The following LRRTM3 variants were observed in gnomAD, a reference collection of about 807,000 sequenced individuals.
The protein encoded by LRRTM3 is leucine-rich repeat transmembrane neuronal protein 3.
LRRTM3 carries 24 observed loss-of-function variants against 44.7 expected under a neutral mutation model. The ratio of observed to expected loss-of-function variants is 0.54; its 90% confidence interval spans 0.39 to 0.76. The LOEUF (loss-of-function observed/expected upper bound fraction) is 0.76, where lower values mean the gene tolerates loss of function less well. Ranked by LOEUF, LRRTM3 falls within the 30% of genes least tolerant of loss-of-function variation. The pLI, the probability that LRRTM3 is intolerant of heterozygous loss-of-function variation, is 0.00. For missense variants in LRRTM3, 587 were observed against 702.2 expected (o/e 0.84, Z 1.85); for synonymous variants, 277 against 278.7 (o/e 0.99, Z 0.06).
chr10:67,007,186 T>C (rs1478974627), intron 2 of LRRTM3, among the ~76,000 whole-genome samples: 1 of 152,184 alleles, frequency 6.6e-6, no homozygotes, highest in African/African-American at 2.4e-5. Context: ...CTAAACCAGA[T>C]TTTACCTTCA....
chr10:67,015,652 T>C (rs906733062), intron 2 of LRRTM3, among the ~76,000 whole-genome samples: 1 of 152,320 alleles, frequency 6.6e-6, no homozygotes, highest in East Asian at 1.9e-4. Context: ...CTATCTAAAA[T>C]TGTCCTAGAA....
At chr10:66,949,878 G>A (rs769408318) in intron 2 of LRRTM3, among the ~76,000 whole-genome samples, 6 of 152,132 alleles carry the variant, frequency 3.9e-5, no homozygotes, top group Non-Finnish European at 7.4e-5. Flanking sequence ...ACTATGAAAT[G>A]GAAAAGCTCT....
intron 2 of LRRTM3, among the ~76,000 whole-genome samples, chr10:67,087,700 G>T (rs1298552912): frequency 6.6e-6 from 1 of 151,922 alleles, no homozygotes; most frequent in African/African-American, 2.4e-5. Flanking sequence ...CTAAGCTAAT[G>T]TCATAATGGC....
chr10:67,008,261 T>C (rs1852122725), intron 2 of LRRTM3, among the ~76,000 whole-genome samples: 1 of 152,152 alleles, frequency 6.6e-6, no homozygotes, highest in African/African-American at 2.4e-5. Context: ...CTAACTTCCA[T>C]CAATTTGATA....
chr10:66,975,681 A>G (rs912333653), intron 2 of LRRTM3, among the ~76,000 whole-genome samples: 1 of 152,138 alleles, frequency 6.6e-6, no homozygotes, highest in Non-Finnish European at 1.5e-5. Flanking sequence ...TTCATCCACA[A>G]GTTTATCTGG....
At chr10:67,068,489 A>G (rs1856229734) in intron 2 of LRRTM3, among the ~76,000 whole-genome samples, 1 of 152,208 alleles carries the variant, frequency 6.6e-6, no homozygotes, top group South Asian at 2.1e-4. Flanking sequence ...GAAACTTAAC[A>G]ACAGGTGAAT....
intron 2 of LRRTM3, among the ~76,000 whole-genome samples, chr10:67,069,360 CTTT>C (rs914214103): frequency 6.6e-6 from 1 of 151,896 alleles, no homozygotes; most frequent in Non-Finnish European, 1.5e-5. Flanking sequence ...CATCCAACTT[CTTT>C]ATTTGAATAT....
At chr10:67,096,462 CA>C (rs1270265562) in intron 2 of LRRTM3, among the ~76,000 whole-genome samples, 3 of 151,828 alleles carry the variant, frequency 2.0e-5, no homozygotes, top group African/African-American at 4.8e-5. Context: ...CTGATGTGCT[CA>C]AACAAATATA....
chr10:66,990,075 G>A (rs531420814), intron 2 of LRRTM3, among the ~76,000 whole-genome samples: 4 of 152,288 alleles, frequency 2.6e-5, no homozygotes, highest in African/African-American at 9.6e-5. Flanking sequence ...ACTATGAGAT[G>A]GGTTGGAGAA....
intron 2 of LRRTM3, among the ~76,000 whole-genome samples, chr10:67,078,825 CT>C (rs1856881486): frequency 6.6e-6 from 1 of 152,074 alleles, no homozygotes; most frequent in African/African-American, 2.4e-5. Flanking sequence ...CCTCTGATGT[CT>C]TCTTAACATC....
chr10:66,951,401 C>G (rs1848533426), intron 2 of LRRTM3, among the ~76,000 whole-genome samples: 1 of 152,196 alleles, frequency 6.6e-6, no homozygotes. Context: ...CAGGCATAAG[C>G]CACCATGCCC....
At chr10:67,074,266 A>G (rs1856621371) in intron 2 of LRRTM3, among the ~76,000 whole-genome samples, 1 of 149,890 alleles carries the variant, frequency 6.7e-6, no homozygotes, top group South Asian at 2.1e-4. Context: ...TCTCGACCTC[A>G]TGATCTGCCC....
intron 2 of LRRTM3, among the ~76,000 whole-genome samples, chr10:67,092,940 G>C (rs942886991): frequency 1.3e-5 from 2 of 151,936 alleles, no homozygotes; most frequent in Admixed American, 1.3e-4. Flanking sequence ...AGCATATAAC[G>C]ATTTTCTTAG....
chr10:66,927,138 A>C lies in LRRTM3; in HGVS notation c.222A>C (p.Gln74His). 6.2e-7 allele frequency: 1 copy of C among 1,614,210 alleles called. No individual in the cohort carries two copies. The change falls in exon 2 of 3, where the codon CAA (glutamine) becomes CAC (histidine). Residue 74 changes from glutamine (Q) to histidine (H), a missense_variant. Gln to His is a conservative substitution (Grantham distance 24). Coordinates refer to ENST00000361320, the MANE Select transcript of LRRTM3 (RefSeq NM_178011.5). This position sits in a 1 kb window ranked among gnomAD's most constrained non-coding sequence, Gnocchi z 4.7. ...LGLSLRYNSL[Q>H]KLKYNQFKGL... ...TGTCCCTTCGCTATAACAGCCTTCA[A>C]AAACTTAAGTATAATCAATTTAAAG...
rs1241693531 is a variant in LRRTM3, at chr10:67,100,833, G to A, written c.*3037G>A. The stretch of plus-strand genomic sequence containing the variant: ...TTGAGCTCTTACCCCAAAACACAGG[G>A]CCAATAATTGGTGCAGTTGAATTAT... On this transcript the variant is annotated 3_prime_UTR_variant, in exon 3 of 3. Transcript: ENST00000361320. Among the ~76,000 whole-genome samples, 1 of 151,544 alleles carries A rather than the reference G, an allele frequency of 6.6e-6. No individual in the cohort carries two copies.
intron 2 of LRRTM3, among the ~76,000 whole-genome samples, chr10:67,018,147 G>A (rs1396818667): frequency 1.3e-5 from 2 of 151,924 alleles, no homozygotes; most frequent in Non-Finnish European, 2.9e-5. Context: ...TTTACAGTAG[G>A]GCCAAGACTT....
intron 2 of LRRTM3, among the ~76,000 whole-genome samples, chr10:66,967,664 T>C (rs1418516343): frequency 6.6e-6 from 1 of 152,026 alleles, no homozygotes; most frequent in Non-Finnish European, 1.5e-5. Flanking sequence ...TTTTCTAACA[T>C]TTATTAAGAA....
chr10:67,038,769 A>AT (rs1854219220), intron 2 of LRRTM3, among the ~76,000 whole-genome samples: 1 of 152,102 alleles, frequency 6.6e-6, no homozygotes, highest in Non-Finnish European at 1.5e-5. Flanking sequence ...AATATGAGAT[A>AT]TTTTTTAAAT....
At chr10:66,958,300 C>T (rs1412340149) in intron 2 of LRRTM3, among the ~76,000 whole-genome samples, 3 of 102,552 alleles carry the variant, frequency 2.9e-5, no homozygotes, top group African/African-American at 1.2e-4. Context: ...CCTCCACCTG[C>T]TTTCTTGCAA....
Sources: gnomAD v4.1 joint callset for allele counts (sites outside exome capture counted in the v4.1 genomes callset) on GRCh38, gnomAD v4.1.1 for gene constraint, Gnocchi (gnomAD v3.1) non-coding constraint, MANE v1.5 for transcripts, NCBI Gene and HGNC (gene_info 2026-07-23, HGNC 2026-07-21) for gene names.